Variants in ADGRB3 observed in about 807,000 individuals in gnomAD.
ADGRB3 encodes brain-specific angiogenesis inhibitor 3.
In ADGRB3, 37 loss-of-function variants were observed where a neutral mutation model predicts 193.4. The ratio of observed to expected loss-of-function variants is 0.19; its 90% CI spans 0.15 to 0.25. The LOEUF (loss-of-function observed/expected upper bound fraction) is 0.25. Ranked by LOEUF, ADGRB3 falls within the 10% of genes least tolerant of loss-of-function variation. The pLI, the probability that ADGRB3 is intolerant of heterozygous loss-of-function variation, is 1.00. For synonymous variants in ADGRB3, 690 were observed against 644.2 expected, an observed-to-expected ratio of 1.07 and a Z score of -1.08; for missense variants, 1,637 against 1,852.9, an observed-to-expected ratio of 0.88 and a Z score of 2.14.
chr6:69,202,356 C>A (rs1217384193), intron 17 of ADGRB3, among the ~76,000 whole-genome samples: 2 of 152,080 alleles, frequency 1.3e-5, no homozygotes, highest in Non-Finnish European at 2.9e-5. Flanking sequence ...TGGATCCTGA[C>A]TGTCTTTCCT....
At chr6:69,249,060 C>T (rs1002215861) in intron 20 of ADGRB3, among the ~76,000 whole-genome samples, 4 of 152,194 alleles carry the variant, frequency 2.6e-5, no homozygotes, top group Admixed American at 6.5e-5. Context: ...TCACTGAAAC[C>T]TCCGCCTCCC....
intron 6 of ADGRB3, among the ~76,000 whole-genome samples, chr6:68,945,524 G>A (rs1365104132): frequency 6.6e-6 from 1 of 151,972 alleles, no homozygotes; most frequent in Non-Finnish European, 1.5e-5. Context: ...TTTCAATGCT[G>A]AGCTGTAACA....
intron 20 of ADGRB3, among the ~76,000 whole-genome samples, chr6:69,267,685 C>G (rs549779948): frequency 6.6e-6 from 1 of 152,220 alleles, no homozygotes; most frequent in South Asian, 2.1e-4. Context: ...TTTTCTTATT[C>G]ACCAATGGAT....
At chr6:69,315,858 A>G (rs754702022) in intron 20 of ADGRB3, among the ~76,000 whole-genome samples, 1 of 151,426 alleles carries the variant, frequency 6.6e-6, no homozygotes, top group Non-Finnish European at 1.5e-5. Flanking sequence ...TATTGTTGAA[A>G]TGTTACTATA....
chr6:69,024,814 C>T (rs1017810811), intron 13 of ADGRB3, among the ~76,000 whole-genome samples: 3 of 152,046 alleles, frequency 2.0e-5, no homozygotes, highest in Admixed American at 6.6e-5. Flanking sequence ...TTAAGGCGAC[C>T]GGGCACGGTG....
intron 17 of ADGRB3, among the ~76,000 whole-genome samples, chr6:69,192,556 C>T (rs1765214557): frequency 6.6e-6 from 1 of 152,128 alleles, no homozygotes; most frequent in Non-Finnish European, 1.5e-5. Flanking sequence ...TTAACCATCA[C>T]ATTTTGTATA....
intron 3 of ADGRB3, among the ~76,000 whole-genome samples, chr6:68,864,801 G>A (rs1765248048): frequency 6.6e-6 from 1 of 152,108 alleles, no homozygotes. Flanking sequence ...AAATTCTGGG[G>A]CTTGAAGCAT....
intron 16 of ADGRB3, among the ~76,000 whole-genome samples, chr6:69,064,885 A>C (rs1159347589): frequency 1.3e-5 from 2 of 152,160 alleles, no homozygotes; most frequent in Non-Finnish European, 2.9e-5. Flanking sequence ...AAACTATTTG[A>C]AATGAACGTA....
chr6:69,068,727 A>G (rs1310091276), intron 16 of ADGRB3, among the ~76,000 whole-genome samples: 6 of 152,180 alleles, frequency 3.9e-5, no homozygotes, highest in Non-Finnish European at 7.4e-5. Context: ...ACATCTATAA[A>G]AATAGTGTCA....
At chr6:69,381,683 A>AGCTC (rs1374938741) in intron 30 of ADGRB3, among the ~76,000 whole-genome samples, 1 of 151,926 alleles carries the variant, frequency 6.6e-6, no homozygotes, top group African/African-American at 2.4e-5. Context: ...TAGGCATTAC[A>AGCTC]GCTCTCCCAA....
At chr6:69,320,088 C>A (rs1290329) in intron 20 of ADGRB3, among the ~76,000 whole-genome samples, 67,603 of 150,882 alleles carry the variant, frequency 0.45, 17,209 homozygotes, top group African/African-American at 0.69. Flanking sequence ...GGTTACTGAA[C>A]CATTAACATA....
chr6:68,999,314 G>A (rs1769491861), intron 11 of ADGRB3, among the ~76,000 whole-genome samples: 2 of 149,746 alleles, frequency 1.3e-5, no homozygotes, highest in Non-Finnish European at 3.0e-5. Context: ...GCCCAGGCTG[G>A]AGATCAGTGG....
At chr6:69,386,385 G>T (rs2127243039) in intron 31 of ADGRB3, among the ~76,000 whole-genome samples, 1 of 152,062 alleles carries the variant, frequency 6.6e-6, no homozygotes, top group Middle Eastern at 3.4e-3. Flanking sequence ...TCAAACTAAG[G>T]ATTCCCAGAA....
At chr6:69,324,675 T>C (rs1321095848) in intron 20 of ADGRB3, among the ~76,000 whole-genome samples, 197 bp from the exon 21 acceptor site, 1 of 152,200 alleles carries the variant, frequency 6.6e-6, no homozygotes, top group African/African-American at 2.4e-5. Context: ...TTAGACTTTT[T>C]TTTTCCATTG....
At chr6:69,047,950 A>G (rs1281076564) in intron 13 of ADGRB3, among the ~76,000 whole-genome samples, 1 of 152,180 alleles carries the variant, frequency 6.6e-6, no homozygotes, top group Non-Finnish European at 1.5e-5. Flanking sequence ...TCCATTATTG[A>G]CCACCATTGT....
At chr6:69,377,915 C>T (rs1769865218) in intron 30 of ADGRB3, among the ~76,000 whole-genome samples, 1 of 152,050 alleles carries the variant, frequency 6.6e-6, no homozygotes, top group African/African-American at 2.4e-5. Context: ...AGGCAAAGCT[C>T]CTGGTTGGGA....
intron 3 of ADGRB3, among the ~76,000 whole-genome samples, chr6:68,798,051 T>G (rs1767244254): frequency 6.6e-6 from 1 of 152,202 alleles, no homozygotes; most frequent in Admixed American, 6.5e-5. Context: ...TTGAAGGAAT[T>G]CATTACCAGA....
chr6:68,657,354 TA>T (rs1402105890), intron 3 of ADGRB3, among the ~76,000 whole-genome samples: 2 of 151,634 alleles, frequency 1.3e-5, no homozygotes, highest in East Asian at 3.9e-4. Flanking sequence ...CCATGTCATG[TA>T]ACTAAGAATT....
intron 13 of ADGRB3, among the ~76,000 whole-genome samples, chr6:69,039,575 C>A (rs1394458317): frequency 1.3e-5 from 2 of 151,878 alleles, no homozygotes; most frequent in Non-Finnish European, 2.9e-5. Context: ...CATTGTCAAT[C>A]TAAATAACAA....
Sources: gnomAD v4.1 joint callset for allele counts (sites outside exome capture counted in the v4.1 genomes callset) on GRCh38, gnomAD v4.1.1 for gene constraint, MANE v1.5 for transcripts, NCBI Gene and HGNC (gene_info 2026-07-23, HGNC 2026-07-21) for gene names.